Variants in SRBD1 observed in about 807,000 individuals in gnomAD.
SRBD1 encodes S1 RNA-binding domain-containing protein 1.
A neutral mutation model predicts 115.3 loss-of-function variants in SRBD1; 88 were observed. That is an observed-to-expected ratio of 0.76 (90% CI 0.64 to 0.91). The LOEUF (loss-of-function observed/expected upper bound fraction) is 0.91. SRBD1 is among the 40% of genes least tolerant of loss of function. The pLI, the probability that SRBD1 is intolerant of heterozygous loss-of-function variation, is 0.00. For synonymous variants in SRBD1, 509 were observed against 407.7 expected (o/e 1.25, Z -2.99); for missense variants, 1,385 against 1,177.4 (o/e 1.18, Z -2.58).
intron 2 of SRBD1, among the ~76,000 whole-genome samples, chr2:45,604,756 G>A (rs191703578): frequency 3.9e-4 from 59 of 152,174 alleles, no homozygotes; most frequent in African/African-American, 1.4e-3. Flanking sequence ...CCCCCCGACT[G>A]CAACCACTCA....
intron 19 of SRBD1, 97 bp from the exon 20 acceptor site, chr2:45,393,226 C>G: frequency 8.1e-7 from 1 of 1,233,114 alleles, no homozygotes; most frequent in Non-Finnish European, 1.1e-6. Context: ...ATCTTAGACC[C>G]ATAGGTCAAT....
At chr2:45,599,033 T>C (rs553594257) in intron 4 of SRBD1, among the ~76,000 whole-genome samples, 2 of 152,226 alleles carry the variant, frequency 1.3e-5, no homozygotes, top group Non-Finnish European at 1.5e-5. Context: ...CTAGGCCTTG[T>C]TGTAGTACAT....
intron 14 of SRBD1, among the ~76,000 whole-genome samples, chr2:45,526,646 G>T (rs1294774973): frequency 6.6e-6 from 1 of 151,648 alleles, no homozygotes; most frequent in Non-Finnish European, 1.5e-5. Flanking sequence ...CAAAATAAAT[G>T]AATAAAGACT....
chr2:45,432,141 C>T (rs558095907), intron 16 of SRBD1, among the ~76,000 whole-genome samples: 3 of 152,036 alleles, frequency 2.0e-5, no homozygotes, highest in Admixed American at 6.6e-5. Context: ...GTGGTTCTCC[C>T]GCCTCAGCCT....
At chr2:45,509,068 T>C (rs1369956647) in intron 14 of SRBD1, among the ~76,000 whole-genome samples, 1 of 152,156 alleles carries the variant, frequency 6.6e-6, no homozygotes, top group Non-Finnish European at 1.5e-5. Flanking sequence ...AAATTTTTTC[T>C]TTCACTAAAG....
At chr2:45,432,427 C>A (rs529630868) in intron 16 of SRBD1, among the ~76,000 whole-genome samples, 1 of 152,264 alleles carries the variant, frequency 6.6e-6, no homozygotes, top group East Asian at 1.9e-4. Context: ...GACATTAAAG[C>A]AGAGGCATTC....
At chr2:45,591,013 C>CAA (rs777304180) in intron 4 of SRBD1, among the ~76,000 whole-genome samples, 272 of 130,368 alleles carry the variant, frequency 2.1e-3, no homozygotes, top group African/African-American at 5.5e-3. Context: ...GTGAAACTCT[C>CAA]AAAAAAAAAA....
chr2:45,570,404 G>A (rs1367028759), intron 9 of SRBD1, among the ~76,000 whole-genome samples: 7 of 152,138 alleles, frequency 4.6e-5, no homozygotes, highest in Admixed American at 6.5e-5. Context: ...ATTAAACAAG[G>A]TAATAAAGAA....
intron 5 of SRBD1, 112 bp from the exon 6 acceptor site, chr2:45,581,922 C>T: frequency 1.4e-6 from 1 of 695,768 alleles, no homozygotes; most frequent in Non-Finnish European, 2.4e-6. Context: ...ACTTTATTGT[C>T]TCTGAACTGT....
At chr2:45,593,706 C>G (rs1487338665) in intron 4 of SRBD1, among the ~76,000 whole-genome samples, 1 of 152,136 alleles carries the variant, frequency 6.6e-6, no homozygotes, top group African/African-American at 2.4e-5. Context: ...AAATCACTCC[C>G]AAACCAGCGA....
chr2:45,421,712 AG>A (rs1668013287), intron 16 of SRBD1, among the ~76,000 whole-genome samples: 1 of 152,020 alleles, frequency 6.6e-6, no homozygotes, highest in Non-Finnish European at 1.5e-5. Context: ...AAGGAAAACA[AG>A]GAATATAATC....
At chr2:45,537,520 T>A (rs1671801686) in intron 14 of SRBD1, among the ~76,000 whole-genome samples, 1 of 152,168 alleles carries the variant, frequency 6.6e-6, no homozygotes, top group Non-Finnish European at 1.5e-5. Context: ...GACTGGATGA[T>A]CGAAACAGGA....
intron 14 of SRBD1, among the ~76,000 whole-genome samples, chr2:45,520,940 G>A (rs1483452097): frequency 6.6e-6 from 1 of 152,114 alleles, no homozygotes; most frequent in Non-Finnish European, 1.5e-5. Flanking sequence ...TATTGCAATG[G>A]CCCTCTGCCC....
chr2:45,485,221 C>A (rs1451413080), intron 15 of SRBD1, among the ~76,000 whole-genome samples: 4 of 152,160 alleles, frequency 2.6e-5, no homozygotes, highest in African/African-American at 9.7e-5. Flanking sequence ...GTACTTGGCA[C>A]CATTTCCTGA....
At chr2:45,579,490 T>C (rs1261241992) in intron 7 of SRBD1, among the ~76,000 whole-genome samples, 1 of 152,170 alleles carries the variant, frequency 6.6e-6, no homozygotes, top group African/African-American at 2.4e-5. Context: ...AATACAGCTA[T>C]TATCTTAAAA....
intron 16 of SRBD1, among the ~76,000 whole-genome samples, chr2:45,420,407 TCGTTTCATCAAATTGAAGA>T (rs1667960713): frequency 2.6e-5 from 4 of 152,202 alleles, no homozygotes; most frequent in Admixed American, 2.6e-4. Context: ...TAAATCAAAC[TCGTTTCATCAAATTGAAGA>T]CAGTACTGTT....
At chr2:45,530,245 G>A (rs1671571590) in intron 14 of SRBD1, among the ~76,000 whole-genome samples, 1 of 151,990 alleles carries the variant, frequency 6.6e-6, no homozygotes, top group South Asian at 2.1e-4. Flanking sequence ...AGCTCAAGTT[G>A]CTTATCACTA....
chr2:45,422,618 T>C (rs113949432), intron 16 of SRBD1, among the ~76,000 whole-genome samples: 118 of 152,300 alleles, frequency 7.7e-4, no homozygotes, highest in African/African-American at 2.5e-3. Flanking sequence ...TGGTCAGGAA[T>C]AGGTATTTGG....
chr2:45,406,431 C>A (rs1667439297), intron 19 of SRBD1, among the ~76,000 whole-genome samples: 1 of 152,108 alleles, frequency 6.6e-6, no homozygotes, highest in Non-Finnish European at 1.5e-5. Context: ...CTATTTGTGG[C>A]AACAGTGTAG....
Sources: allele counts gnomAD v4.1 joint callset (sites outside exome capture counted in the v4.1 genomes callset), GRCh38; gene constraint gnomAD v4.1.1; transcripts MANE v1.5; gene names NCBI Gene and HGNC (gene_info 2026-07-23, HGNC 2026-07-21).